The following PDGFRB variants were observed in gnomAD, a reference collection of about 807,000 sequenced individuals.
PDGFRB encodes platelet-derived growth factor receptor beta.
A neutral mutation model predicts 120.2 loss-of-function variants in PDGFRB; 42 were observed. The observed-to-expected ratio is 0.35, with a 90% CI of 0.27 to 0.45. PDGFRB has a LOEUF of 0.45. Ranked by LOEUF, PDGFRB falls within the 20% of genes least tolerant of loss-of-function variation. PDGFRB has a pLI of 1.00. For missense variants in PDGFRB, 1,149 were observed against 1,476.3 expected, an observed-to-expected ratio of 0.78 and a Z score of 3.63; for synonymous variants, 586 against 606.8, an observed-to-expected ratio of 0.97 and a Z score of 0.50.
rs566938138 is a variant in PDGFRB, at chr5:150,154,792, G to C, written c.-7+605C>G. ...TCCCAGCCCCCAGACCCAGCAGCAT[G>C]ACCGCTAGGGGGTTGCCATGGCCGC... On this transcript the variant is annotated intron_variant, in intron 1 of 22. Coordinates refer to ENST00000261799, the MANE Select transcript of PDGFRB (RefSeq NM_002609.4). Among the ~76,000 whole-genome samples, 10 of 152,354 alleles carry C rather than the reference G, an allele frequency of 6.6e-5. No individual in the cohort carries two copies. The East Asian group carries it at 1.9e-3, about 29-fold the overall frequency.
At chr5:150,141,140 C>T (rs1490552311) in intron 1 of PDGFRB, among the ~76,000 whole-genome samples, 2 of 152,236 alleles carry the variant, frequency 1.3e-5, no homozygotes, top group African/African-American at 2.4e-5. Context: ...GGGTGCCAAG[C>T]CCTCATGCAG....
In PDGFRB at chr5:150,113,985, T is replaced by C. The variant is rs544334280; in HGVS notation, c.*1778A>G. 3 of 233,532 alleles carry C rather than the reference T, an allele frequency of 1.3e-5. No homozygotes were observed. Among genetic ancestry groups the C allele is most frequent in the African/African-American group, 6.6e-5 (3 of 45,472 alleles). The allele number at this position is 233,532 out of a possible 1,614,324, so 14.5% of individuals were successfully genotyped here. On this transcript the variant is annotated 3_prime_UTR_variant, in exon 23 of 23. Coordinates refer to ENST00000261799, the MANE Select transcript of PDGFRB (RefSeq NM_002609.4). ...TCCTAAAAATATTTGTAAACCTAGG[T>C]GATTATATCTTTGGTACCGTATTGA...
Position 150,115,682 on chromosome 5 carries a change from A to G in PDGFRB, c.*81T>C. On this transcript the variant is annotated 3_prime_UTR_variant, in exon 23 of 23. Transcript: ENST00000261799. ...TGATAAGGGCAGCCTGGCTGACAGG[A>G]AGCCCGGTCAGGCCAGGCCAGGAGA... 2 of 1,339,284 alleles carry G rather than the reference A, an allele frequency of 1.5e-6. No individual in the cohort carries two copies. The highest frequency in any genetic ancestry group is 2.0e-6 in the Non-Finnish European group (2 of 995,620). The allele number at this position is 1,339,284 out of a possible 1,614,324, so 83.0% of individuals were successfully genotyped here. A position where few individuals can be genotyped will look rare whatever the true frequency, so the allele number is the denominator to read the frequency against.
chr5:150,125,711 C>T (rs1053668820), intron 11 of PDGFRB, 134 bp from the exon 12 acceptor site: 21 of 773,046 alleles, frequency 2.7e-5, no homozygotes, highest in Non-Finnish European at 3.0e-5. Flanking sequence ...TTTGAAGTCA[C>T]ACAGCAAGTG....
chr5:150,139,011 T>C, intron 1 of PDGFRB, among the ~76,000 whole-genome samples: 1 of 152,242 alleles, frequency 6.6e-6, no homozygotes, highest in East Asian at 1.9e-4. Flanking sequence ...GCTGGCTATG[T>C]GGGCTGGGCC....
At chr5:150,154,587 G>A (rs2113937934) in intron 1 of PDGFRB, among the ~76,000 whole-genome samples, 1 of 152,340 alleles carries the variant, frequency 6.6e-6, no homozygotes, top group South Asian at 2.1e-4. Flanking sequence ...GGGAGCCATA[G>A]GCGGATCCTG....
At chr5:150,133,365 G>A (rs537377441) in intron 6 of PDGFRB, among the ~76,000 whole-genome samples, 79 of 152,246 alleles carry the variant, frequency 5.2e-4, no homozygotes, top group African/African-American at 1.8e-3. Flanking sequence ...TTGGTTTGGG[G>A]TTTATCCTGG....
At position 150,130,692 on chromosome 5, in the gene PDGFRB, C is replaced by T. The variant is rs147756660; in HGVS notation, c.1244-30G>A. On this transcript the variant is annotated intron_variant, in intron 8 of 22. Transcript: ENST00000261799. ...ATGGAGAGAGCACTGAGTTAGGAGG[C>T]GGGAGGGTCAGGACAGTTAACAGGA... is the stretch of plus-strand genomic sequence containing the variant. The T allele has an allele frequency of 1.9e-5, 30 of 1,609,628 alleles. 1 individual carries two copies. The African/African-American group carries it at 2.7e-4, about 14-fold the overall frequency.
chr5:150,116,470 G>T (rs370284978), intron 22 of PDGFRB, among the ~76,000 whole-genome samples: 1 of 151,990 alleles, frequency 6.6e-6, no homozygotes, highest in Non-Finnish European at 1.5e-5. Context: ...TTAGCCAGGC[G>T]TGGTGCTGCA....
Position 150,121,019 on chromosome 5 carries a change from G to T in PDGFRB, c.2464-9C>A, listed in dbSNP as rs1204774251. On this transcript the variant is annotated splice_polypyrimidine_tract_variant and intron_variant, in intron 17 of 22. Coordinates refer to ENST00000261799, the MANE Select transcript of PDGFRB (RefSeq NM_002609.4). This position sits in a 1 kb window ranked among gnomAD's most constrained non-coding sequence, Gnocchi z 4.1. The stretch of plus-strand genomic sequence containing the variant: ...AGGTCTCTGTGGACGCACTGGGTTT[G>T]GGGAGAGGGGAGCTGAGGCCTTGGG... 1 of 1,613,718 alleles carries T rather than the reference G, an allele frequency of 6.2e-7. No homozygotes were observed. Among genetic ancestry groups the T allele is most frequent in the Admixed American group, 1.7e-5 (1 of 60,034 alleles).
At chr5:150,143,546 G>A (rs1396018976) in intron 1 of PDGFRB, among the ~76,000 whole-genome samples, 1 of 152,174 alleles carries the variant, frequency 6.6e-6, no homozygotes, top group African/African-American at 2.4e-5. Flanking sequence ...AGAGGCATCT[G>A]GAGCCAGGGA....
At chr5:150,124,671 G>A (rs1444712806) in intron 13 of PDGFRB, 56 bp downstream of exon 13, 8 of 824,690 alleles carry the variant, frequency 9.7e-6, no homozygotes, top group Non-Finnish European at 1.6e-5. Context: ...TAAGTGTGTG[G>A]GGAGGGGCAG....
chr5:150,131,994 G>T lies in PDGFRB; in HGVS notation c.1228C>A (p.Gln410Lys). Residue 410 changes from glutamine to lysine, a missense_variant, in exon 8 of 23, where the codon CAG becomes AAG. Gln to Lys is a moderately conservative substitution (Grantham distance 53, BLOSUM62 1). Transcript: ENST00000261799. ...HEDAEVQLSF[Q>K]LQINVPVRVL... is the part of the protein sequence containing the mutation. ...TGCTCATCACCATTGATCTGTAGCTGGAAGGAGAGCTGGACCTCAGCATCC... is the reference window on the plus strand; with the variant it reads ...TGCTCATCACCATTGATCTGTAGCTTGAAGGAGAGCTGGACCTCAGCATCC... 1 of 1,581,562 alleles carries T rather than the reference G, an allele frequency of 6.3e-7. No individual in the cohort carries two copies. Among genetic ancestry groups the T allele is most frequent in the Non-Finnish European group, 8.7e-7 (1 of 1,150,458 alleles).
At chr5:150,147,965 G>T (rs760650280) in intron 1 of PDGFRB, among the ~76,000 whole-genome samples, 1 of 152,150 alleles carries the variant, frequency 6.6e-6, no homozygotes, top group African/African-American at 2.4e-5. Context: ...AAGACTCCAC[G>T]GGACTAGGCT....
In PDGFRB at chr5:150,117,848, C is replaced by A. The variant is rs2113884531; in HGVS notation, c.2907G>T (p.Lys969Asn). 1 of 1,591,678 alleles carries A rather than the reference C, an allele frequency of 6.3e-7. No individual in the cohort carries two copies. Among genetic ancestry groups the A allele is most frequent in the South Asian group, 1.1e-5 (1 of 90,138 alleles). Reference sequence around the variant, plus strand: ...GAAACTCCTCATCCACCTGCTGGTACTTCTGCTCCCGGGGCAGGGAGAACC... The same window carrying A: ...GAAACTCCTCATCCACCTGCTGGTAATTCTGCTCCCGGGGCAGGGAGAACC... ...ERLLGEGYKKKYQQVDEEFLR... is the reference protein window; with the variant it reads ...ERLLGEGYKKNYQQVDEEFLR... Residue 969 changes from lysine to asparagine, a missense_variant and splice_region_variant, in exon 22 of 23, where the codon AAG becomes AAT. Coordinates refer to ENST00000261799, the MANE Select transcript of PDGFRB (RefSeq NM_002609.4).
chr5:150,119,661 T>C (rs755878671), intron 19 of PDGFRB, 95 bp from the exon 20 acceptor site: 1 of 797,180 alleles, frequency 1.3e-6, no homozygotes, highest in Non-Finnish European at 2.2e-6. Context: ...ATGCTGGCCC[T>C]GGTATGGGTA....
intron 8 of PDGFRB, 124 bp downstream of exon 8, chr5:150,131,855 A>G: frequency 1.8e-6 from 1 of 567,416 alleles, no homozygotes; most frequent in South Asian, 2.2e-5. Flanking sequence ...CCTAGAATCC[A>G]TCTCCTGAGT....
intron 20 of PDGFRB, among the ~76,000 whole-genome samples, chr5:150,119,160 G>A (rs1414706943): frequency 4.6e-5 from 7 of 152,210 alleles, no homozygotes; most frequent in African/African-American, 1.7e-4. Flanking sequence ...GACCCCACCT[G>A]AGCCCTTGAA....
At chr5:150,124,106 C>T (rs1243167250) in intron 14 of PDGFRB, 144 bp downstream of exon 14, 11 of 499,756 alleles carry the variant, frequency 2.2e-5, no homozygotes, top group East Asian at 1.6e-4. Context: ...CCTCTGGGAC[C>T]GCGCAGTGAG....
Sources: gnomAD v4.1 joint callset for allele counts (sites outside exome capture counted in the v4.1 genomes callset) on GRCh38, gnomAD v4.1.1 for gene constraint, Gnocchi (gnomAD v3.1) non-coding constraint, MANE v1.5 for transcripts, NCBI Gene and HGNC (gene_info 2026-07-23, HGNC 2026-07-21) for gene names.